SLCO1B3: variants seen among roughly 807,000 people sequenced by gnomAD.
SLCO1B3 encodes the protein solute carrier organic anion transporter family member 1B3, also known as liver-specific organic anion transporter 2.
In SLCO1B3, 72 loss-of-function variants were observed where a neutral mutation model predicts 71.8. That is an observed-to-expected ratio of 1.00 (90% CI 0.83 to 1.22). The LOEUF (loss-of-function observed/expected upper bound fraction) is 1.22, where lower values mean the gene tolerates loss of function less well. Ranked by LOEUF, SLCO1B3 falls within the 50% of genes most tolerant of loss-of-function variation. SLCO1B3 has a pLI of 0.00. For missense variants in SLCO1B3, 911 were observed against 819.7 expected (o/e 1.11, Z -1.36); for synonymous variants, 298 against 278.4 (o/e 1.07, Z -0.70).
chr12:20,911,714 G>A (rs527407991), intron 15 of SLCO1B3, among the ~76,000 whole-genome samples: 2 of 152,194 alleles, frequency 1.3e-5, no homozygotes, highest in East Asian at 3.9e-4. Flanking sequence ...TATTAAAATT[G>A]GGGGCATGAT....
At chr12:20,822,886 C>G (rs535084849) in intron 3 of SLCO1B3, among the ~76,000 whole-genome samples, 58 of 152,124 alleles carry the variant, frequency 3.8e-4, no homozygotes, top group Non-Finnish European at 6.3e-4. Context: ...TTTTTATTTT[C>G]CTTTCATACC....
intron 3 of SLCO1B3, among the ~76,000 whole-genome samples, chr12:20,848,110 T>C (rs1049968908): frequency 8.1e-6 from 1 of 124,062 alleles, no homozygotes; most frequent in African/African-American, 2.6e-5. Flanking sequence ...GGGGCTGATA[T>C]TCAAAATCTA....
chr12:20,912,034 C>G (rs1223411039), intron 15 of SLCO1B3, among the ~76,000 whole-genome samples: 1 of 152,020 alleles, frequency 6.6e-6, no homozygotes. Flanking sequence ...TTAAGATATT[C>G]TTCATTTATC....
At chr12:20,899,844 A>G (rs1046380053) in intron 14 of SLCO1B3, among the ~76,000 whole-genome samples, 2 of 152,222 alleles carry the variant, frequency 1.3e-5, no homozygotes, top group Non-Finnish European at 2.9e-5. Flanking sequence ...CAATTTTGTT[A>G]TGTCCAATAT....
At chr12:20,848,180 T>C (rs1430677153) in intron 3 of SLCO1B3, among the ~76,000 whole-genome samples, 1 of 152,292 alleles carries the variant, frequency 6.6e-6, no homozygotes, top group Admixed American at 6.5e-5. Context: ...GAAAAAGATC[T>C]GAACAGATAC....
intron 3 of SLCO1B3, among the ~76,000 whole-genome samples, chr12:20,831,216 G>A (rs140375417): frequency 6.6e-6 from 1 of 151,918 alleles, no homozygotes; most frequent in African/African-American, 2.4e-5. Flanking sequence ...AATTATCCGG[G>A]CGTGGTGGCA....
chr12:20,882,281 T>C (rs1471118722), intron 12 of SLCO1B3, among the ~76,000 whole-genome samples: 1 of 152,222 alleles, frequency 6.6e-6, no homozygotes, highest in East Asian at 1.9e-4. Context: ...ATGCTCTCTG[T>C]ATCAAAGTTG....
intron 14 of SLCO1B3, among the ~76,000 whole-genome samples, chr12:20,900,764 G>T (rs2120378629): frequency 6.6e-6 from 1 of 152,212 alleles, no homozygotes; most frequent in East Asian, 1.9e-4. Flanking sequence ...GAGAGAATTG[G>T]GCTCTGAGCC....
At chr12:20,842,212 G>T (rs1017504161) in intron 3 of SLCO1B3, among the ~76,000 whole-genome samples, 2 of 152,040 alleles carry the variant, frequency 1.3e-5, no homozygotes, top group African/African-American at 4.8e-5. Flanking sequence ...AATTTTATAT[G>T]AATTTTATAT....
intron 13 of SLCO1B3, among the ~76,000 whole-genome samples, chr12:20,886,202 G>A (rs1865790061): frequency 6.6e-6 from 1 of 152,004 alleles, no homozygotes; most frequent in Non-Finnish European, 1.5e-5. Flanking sequence ...AGGAAGGGTA[G>A]TTTGGAGGAA....
At chr12:20,905,859 C>T (rs1307921606) in intron 15 of SLCO1B3, among the ~76,000 whole-genome samples, 1 of 152,230 alleles carries the variant, frequency 6.6e-6, no homozygotes, top group African/African-American at 2.4e-5. Flanking sequence ...GTTGTTTCCA[C>T]ATTTTCACAT....
chr12:20,916,207 C>T lies in SLCO1B3; in HGVS notation c.2069C>T (p.Thr690Ile). The T allele has an allele frequency of 6.2e-7, 1 of 1,612,556 alleles. No individual in the cohort carries two copies. The highest frequency in any genetic ancestry group is 8.5e-7 in the Non-Finnish European group (1 of 1,178,754). ...FVPSAGTDSKTCNLDMQDNAA... is the reference protein window; with the variant it reads ...FVPSAGTDSKICNLDMQDNAA... The stretch of plus-strand genomic sequence containing the variant: ...CCTTCTGCTGGAACAGATAGTAAAA[C>T]ATGTAATTTGGACATGCAAGACAAT... The change falls in exon 16 of 16, where the codon ACA becomes ATA. Residue 690 changes from threonine (T) to isoleucine (I), a missense_variant. Coordinates refer to ENST00000381545, the MANE Select transcript of SLCO1B3 (RefSeq NM_019844.4).
intron 5 of SLCO1B3, among the ~76,000 whole-genome samples, chr12:20,859,953 C>CTTTTTTTT (rs768328762): frequency 4.2e-5 from 5 of 118,000 alleles, no homozygotes; most frequent in African/African-American, 9.5e-5. Flanking sequence ...CTGATCATTT[C>CTTTTTTTT]TTTTTTTTTT....
At chr12:20,824,592 T>G (rs1419251533) in intron 3 of SLCO1B3, among the ~76,000 whole-genome samples, 1 of 152,098 alleles carries the variant, frequency 6.6e-6, no homozygotes, top group Non-Finnish European at 1.5e-5. Context: ...TCCATAATAA[T>G]CATAATTACT....
At chr12:20,869,829 G>A (rs1413809010) in intron 8 of SLCO1B3, among the ~76,000 whole-genome samples, 4 of 152,040 alleles carry the variant, frequency 2.6e-5, no homozygotes, top group East Asian at 1.9e-4. Context: ...TCCTAATTTC[G>A]ATTATTTTGG....
At chr12:20,862,642 AC>A in intron 7 of SLCO1B3, 84 bp downstream of exon 7, 1 of 1,462,942 alleles carries the variant, frequency 6.8e-7, no homozygotes, top group Non-Finnish European at 9.3e-7. Flanking sequence ...TTTTTCTTTT[AC>A]CTATTAGAAA....
At position 20,879,508 on chromosome 12, in the gene SLCO1B3, C is replaced by T. The variant is rs1217866499; in HGVS notation, c.1208C>T (p.Ser403Phe). 1 of 1,610,972 alleles carries T rather than the reference C, an allele frequency of 6.2e-7. No individual in the cohort carries two copies. Among genetic ancestry groups the T allele is most frequent in the East Asian group, 2.2e-5 (1 of 44,772 alleles). The change falls in exon 11 of 16, where the codon TCT becomes TTT. Residue 403 changes from serine to phenylalanine, a missense_variant. Physicochemically the swap from Ser to Phe is radical, Grantham distance 155 (BLOSUM62 -2). Coordinates refer to ENST00000381545, the MANE Select transcript of SLCO1B3 (RefSeq NM_019844.4). Reference sequence around the variant, plus strand: ...TTTATCATTAAAAAATTCAAATTGTCTTTAGTTGGAATTGCCAAATTTTCA... The same window carrying T: ...TTTATCATTAAAAAATTCAAATTGTTTTTAGTTGGAATTGCCAAATTTTCA... ...GGFIIKKFKL[S>F]LVGIAKFSFL...
rs1864847686 is a variant in SLCO1B3, at chr12:20,843,672, T to C, written c.85-11356T>C. Among the ~76,000 whole-genome samples, 3 of 151,802 alleles carry C rather than the reference T, an allele frequency of 2.0e-5. No individual in the cohort carries two copies. In the South Asian group the frequency reaches 6.2e-4, roughly 32 times the overall value. ...GGTGGGCACCTATAGTCCCAGCTAC[T>C]CAGGAGGCTGAGGCAGGAGAATGGC... is the stretch of plus-strand genomic sequence containing the variant. On this transcript the variant is annotated intron_variant, in intron 3 of 15. Transcript: ENST00000381545.
At chr12:20,849,308 G>A (rs968770728) in intron 3 of SLCO1B3, among the ~76,000 whole-genome samples, 2 of 151,730 alleles carry the variant, frequency 1.3e-5, no homozygotes, top group African/African-American at 2.4e-5. Flanking sequence ...AAAGAAAAAA[G>A]CCACATGACC....
Sources: allele counts gnomAD v4.1 joint callset (sites outside exome capture counted in the v4.1 genomes callset), GRCh38; gene constraint gnomAD v4.1.1; transcripts MANE v1.5; gene names NCBI Gene and HGNC (gene_info 2026-07-23, HGNC 2026-07-21).